Variants in SGCZ observed in about 807,000 individuals in gnomAD.
SGCZ encodes the protein zeta-sarcoglycan.
Under a neutral mutation model 41.3 loss-of-function variants are expected in SGCZ, and 40 were observed. The observed-to-expected ratio is 0.97, with a 90% CI of 0.75 to 1.26. SGCZ has a LOEUF of 1.26. Among genes scored for constraint, SGCZ ranks in the 50% most tolerant of loss-of-function variants. The pLI is 0.00. For missense variants in SGCZ, 552 were observed against 369.8 expected (o/e 1.49, Z -4.04); for synonymous variants, 206 against 137.5 (o/e 1.50, Z -3.49).
intron 1 of SGCZ, among the ~76,000 whole-genome samples, chr8:14,865,923 A>G (rs1244994653): frequency 6.6e-6 from 1 of 152,064 alleles, no homozygotes; most frequent in Non-Finnish European, 1.5e-5. Context: ...CACCTTGGGG[A>G]CCCCTTGTCA....
At chr8:14,743,630 G>C (rs2130288704) in intron 1 of SGCZ, among the ~76,000 whole-genome samples, 1 of 151,972 alleles carries the variant, frequency 6.6e-6, no homozygotes, top group East Asian at 1.9e-4. Flanking sequence ...CAATAAAATT[G>C]AAAATATTTT....
At chr8:14,659,316 T>C (rs548125936) in intron 1 of SGCZ, among the ~76,000 whole-genome samples, 1 of 152,248 alleles carries the variant, frequency 6.6e-6, no homozygotes, top group South Asian at 2.1e-4. Flanking sequence ...CATCACACAA[T>C]GAATATACGC....
chr8:14,840,208 T>A (rs1248982719), intron 1 of SGCZ, among the ~76,000 whole-genome samples: 1 of 152,148 alleles, frequency 6.6e-6, no homozygotes, highest in Non-Finnish European at 1.5e-5. Flanking sequence ...GATTTTTAAA[T>A]ACAAGAGAGA....
chr8:14,756,463 G>A (rs1799671756), intron 1 of SGCZ, among the ~76,000 whole-genome samples: 1 of 152,152 alleles, frequency 6.6e-6, no homozygotes, highest in Admixed American at 6.5e-5. Context: ...GGGATTACAG[G>A]CTTGAGCCAC....
At chr8:14,223,322 T>G (rs1806266772) in intron 4 of SGCZ, among the ~76,000 whole-genome samples, 1 of 152,176 alleles carries the variant, frequency 6.6e-6, no homozygotes, top group South Asian at 2.1e-4. Flanking sequence ...TGGAAACATT[T>G]CATCATCACT....
At chr8:14,938,346 G>A (rs550072410) in intron 1 of SGCZ, among the ~76,000 whole-genome samples, 1 of 152,180 alleles carries the variant, frequency 6.6e-6, no homozygotes, top group South Asian at 2.1e-4. Context: ...TTCCACCTCT[G>A]CCGCTCCTGA....
chr8:14,692,271 T>A (rs188034777), intron 1 of SGCZ, among the ~76,000 whole-genome samples: 61 of 152,170 alleles, frequency 4.0e-4, no homozygotes, highest in African/African-American at 1.4e-3. Context: ...AACCATAGGA[T>A]ATTGTCAAAT....
chr8:14,143,422 A>G (rs1354431385), intron 5 of SGCZ, among the ~76,000 whole-genome samples: 1 of 152,250 alleles, frequency 6.6e-6, no homozygotes, highest in Non-Finnish European at 1.5e-5. Flanking sequence ...GAAAATCCCA[A>G]GGAATGTGAA....
rs79090296 is a variant in SGCZ, at chr8:15,164,431, C to T, written c.39+73154G>A. Among the ~76,000 whole-genome samples, 921 of 152,226 alleles carry T rather than the reference C, an allele frequency of 6.1e-3. 23 individuals carry two copies. The East Asian group carries it at 0.076, about 13-fold the overall frequency. ...TGACAGGACTGGGACGCATGGTCCA[C>T]GGGTTTGGGAGCCACTGGCAGTCCC... On this transcript the variant is annotated intron_variant, in intron 1 of 7. Transcript: ENST00000382080.
chr8:14,637,097 T>C (rs1244057864), intron 1 of SGCZ, among the ~76,000 whole-genome samples: 1 of 151,612 alleles, frequency 6.6e-6, no homozygotes, highest in Non-Finnish European at 1.5e-5. Context: ...CCACCTATCA[T>C]TTTTTGCTCC....
chr8:14,764,544 CA>C (rs1303483079), intron 1 of SGCZ, among the ~76,000 whole-genome samples: 3 of 152,176 alleles, frequency 2.0e-5, no homozygotes, highest in African/African-American at 7.2e-5. Context: ...TCTACACCTG[CA>C]GAAACCATAA....
intron 1 of SGCZ, among the ~76,000 whole-genome samples, chr8:15,056,537 G>A (rs1296263825): frequency 2.1e-5 from 3 of 143,638 alleles, no homozygotes; most frequent in Non-Finnish European, 3.0e-5. Context: ...CCTTAATGTA[G>A]GTGAGCAAAA....
chr8:14,337,406 T>C (rs1802543449), intron 2 of SGCZ, among the ~76,000 whole-genome samples: 1 of 152,096 alleles, frequency 6.6e-6, no homozygotes. Flanking sequence ...GAGATTATTT[T>C]CTGAGGGTGC....
intron 4 of SGCZ, among the ~76,000 whole-genome samples, chr8:14,188,797 G>GT (rs765052122): frequency 0.027 from 3,650 of 134,164 alleles, 57 homozygotes; most frequent in Middle Eastern, 0.049. Flanking sequence ...CAGATTTCTT[G>GT]TTTTTTTTTT....
At chr8:14,293,786 T>A (rs2116952033) in intron 3 of SGCZ, among the ~76,000 whole-genome samples, 1 of 152,034 alleles carries the variant, frequency 6.6e-6, no homozygotes, top group South Asian at 2.1e-4. Flanking sequence ...ACTTTGTCCC[T>A]TTTTAGCAAA....
Position 14,224,343 on chromosome 8 carries a change from T to C in SGCZ, c.424+13249A>G, listed in dbSNP as rs1366556760. ...GCAATGAGGTTCAGTATTCTCCTTG[T>C]CAGCAGATAAGATTAGTACCAGGTA... On this transcript the variant is annotated intron_variant, in intron 4 of 7. Transcript: ENST00000382080. 2.0e-5 allele frequency among the ~76,000 whole-genome samples: 3 copies of C among 152,242 alleles called. No homozygotes were observed. The South Asian group carries it at 6.2e-4, about 32-fold the overall frequency.
At chr8:14,352,278 T>C (rs1585396367) in intron 2 of SGCZ, among the ~76,000 whole-genome samples, 1 of 151,914 alleles carries the variant, frequency 6.6e-6, no homozygotes, top group Non-Finnish European at 1.5e-5. Context: ...GTGAGGAAGG[T>C]GCAGGAAAAG....
At chr8:14,817,895 CA>C (rs1397710360) in intron 1 of SGCZ, among the ~76,000 whole-genome samples, 1 of 152,192 alleles carries the variant, frequency 6.6e-6, no homozygotes, top group Non-Finnish European at 1.5e-5. Flanking sequence ...ACTGTGCCTG[CA>C]AACACTCACA....
At chr8:14,360,618 G>A (rs553414765) in intron 2 of SGCZ, among the ~76,000 whole-genome samples, 2 of 150,132 alleles carry the variant, frequency 1.3e-5, no homozygotes, top group South Asian at 2.1e-4. Context: ...GAGTCACCGC[G>A]CCTGGCTGTT....
Sources: allele counts gnomAD v4.1 joint callset (sites outside exome capture counted in the v4.1 genomes callset), GRCh38; gene constraint gnomAD v4.1.1; transcripts MANE v1.5; gene names NCBI Gene and HGNC (gene_info 2026-07-23, HGNC 2026-07-21).